The following VPREB3 variants were observed in gnomAD, a reference collection of about 807,000 sequenced individuals.
VPREB3 encodes the protein pre-B lymphocyte protein 3.
VPREB3 carries 14 observed loss-of-function variants against 12.9 expected under a neutral mutation model. The ratio of observed to expected loss-of-function variants is 1.09; its 90% CI spans 0.72 to 1.70. The LOEUF is 1.70. VPREB3 is among the 40% of genes most tolerant of loss of function. The pLI is 0.00. For missense variants in VPREB3, 165 were observed against 159.6 expected (o/e 1.03, Z -0.18); for synonymous variants, 78 against 70.1 (o/e 1.11, Z -0.56).
chr22:23,753,843 C>G lies in VPREB3; in HGVS notation c.49+472G>C, dbSNP rs554147584. On this transcript the variant is annotated intron_variant, in intron 1 of 1. Coordinates refer to ENST00000248948, the MANE Select transcript of VPREB3 (RefSeq NM_013378.3). ...GGCCCACACAGGGAAGTGATTTGCC[C>G]CAGGTCAAGGGCAGAGCTGTCTGAA... Among the ~76,000 whole-genome samples the G allele has an allele frequency of 7.2e-5, 11 of 152,284 alleles. No individual in the cohort carries two copies. In the East Asian group the frequency reaches 1.9e-3, roughly 27 times the overall value.
rs1037879761 is a variant in VPREB3, at chr22:23,754,355, G to C, written c.9C>G (p.Cys3Trp). Residue 3 changes from cysteine (C) to tryptophan (W), a missense_variant, in exon 1 of 2, where the codon TGC becomes TGG. By Grantham distance (215) the Cys-to-Trp change is radical. Coordinates refer to ENST00000248948, the MANE Select transcript of VPREB3 (RefSeq NM_013378.3). ...CCATCAGAAGGAAGCTGAGGCACCG[G>C]CAGGCCATGGCCAGAGGCAGGGAGG... MA[C>W]RCLSFLLMGT... 6.2e-7 allele frequency: 1 copy of C among 1,609,298 alleles called. No individual in the cohort carries two copies. Among genetic ancestry groups the C allele is most frequent in the African/African-American group, 1.3e-5 (1 of 74,836 alleles).
chr22:23,754,356 C>T lies in VPREB3; in HGVS notation c.8G>A (p.Cys3Tyr), dbSNP rs1176056066. 7.5e-6 allele frequency: 12 copies of T among 1,609,722 alleles called. No homozygotes were observed. The highest frequency in any genetic ancestry group is 1.1e-5 in the South Asian group (1 of 89,954). Residue 3 changes from cysteine (C) to tyrosine (Y), a missense_variant, in exon 1 of 2, where the codon TGC becomes TAC. Physicochemically the swap from Cys to Tyr is radical, Grantham distance 194. Coordinates refer to ENST00000248948, the MANE Select transcript of VPREB3 (RefSeq NM_013378.3). MA[C>Y]RCLSFLLMGT... is the part of the protein sequence containing the mutation. ...CATCAGAAGGAAGCTGAGGCACCGG[C>T]AGGCCATGGCCAGAGGCAGGGAGGC...
intron 1 of VPREB3, 38 bp downstream of exon 1, chr22:23,754,277 C>T (rs45587437): frequency 0.13 from 199,281 of 1,575,760 alleles, 13,628 homozygotes; most frequent in Middle Eastern, 0.15. Flanking sequence ...CTGTTCCCCA[C>T]CCCACACCCA....
Position 23,753,263 on chromosome 22 carries a change from G to A in VPREB3, c.50-65C>T, listed in dbSNP as rs1925420241. The stretch of plus-strand genomic sequence containing the variant: ...CCCACCCCTGCCCTGTGAAGGCTTG[G>A]TTGGACTCCATGGAGACTCCCAGTC... On this transcript the variant is annotated intron_variant, in intron 1 of 1. Transcript: ENST00000248948. The A allele has an allele frequency of 4.1e-6, 6 of 1,474,168 alleles. No individual in the cohort carries two copies. In the South Asian group the frequency reaches 8.0e-5, roughly 20 times the overall value. 91.3% of individuals were successfully genotyped at this position (1,474,168 alleles called of 1,614,324 possible).
At chr22:23,753,714 A>AG (rs937828279) in intron 1 of VPREB3, among the ~76,000 whole-genome samples, 25 of 152,304 alleles carry the variant, frequency 1.6e-4, no homozygotes, top group African/African-American at 5.8e-4. Flanking sequence ...CCTGTGGGGT[A>AG]GGGACCAACC....
chr22:23,752,991 C>T lies in VPREB3; in HGVS notation c.257G>A (p.Arg86Gln), dbSNP rs1185174304. The part of the protein sequence containing the change: ...DHHRPADIPD[R>Q]FSAAKDEAHN... ...GGCCTCATCCTTGGCTGCCGAGAAT[C>T]GATCGGGGATGTCAGCAGGCCGGTG... Residue 86 changes from arginine to glutamine, a missense_variant, in exon 2 of 2, where the codon CGA becomes CAA. Transcript: ENST00000248948. 8 of 1,614,016 alleles carry T rather than the reference C, an allele frequency of 5.0e-6. No individual in the cohort carries two copies. The highest frequency in any genetic ancestry group is 2.7e-5 in the African/African-American group (2 of 74,892).
chr22:23,753,863 T>C (rs889377392), intron 1 of VPREB3, among the ~76,000 whole-genome samples: 1 of 152,132 alleles, frequency 6.6e-6, no homozygotes, highest in African/African-American at 2.4e-5. Context: ...GGCAGAGCTG[T>C]CTGAAGCCAG....
In VPREB3 at chr22:23,752,921, G is replaced by A. The variant is rs746879056; in HGVS notation, c.327C>T (p.Asp109=). ...CAACAGAGCAGTAGTAATCCGCGTC[G>A]TCTTCAGGCTGCACGGGACTAATGG... The part of the protein sequence containing the change: ...VLTISPVQPE[D]DADYYCSVGY... Residue 109 remains aspartate, a synonymous_variant, in exon 2 of 2, where the codon GAC becomes GAT. Coordinates refer to ENST00000248948, the MANE Select transcript of VPREB3 (RefSeq NM_013378.3). The A allele has an allele frequency of 3.5e-5, 57 of 1,614,030 alleles. No homozygotes were observed. Among genetic ancestry groups the A allele is most frequent in the East Asian group, 1.1e-4 (5 of 44,882 alleles).
At chr22:23,753,230 C>A in intron 1 of VPREB3, 32 bp from the exon 2 acceptor site, 1 of 1,533,972 alleles carries the variant, frequency 6.5e-7, no homozygotes, top group South Asian at 1.2e-5. Context: ...AGCCTGAGCC[C>A]CTTCCCTCCC....
intron 1 of VPREB3, among the ~76,000 whole-genome samples, chr22:23,753,881 C>A (rs1925434585): frequency 6.6e-6 from 1 of 152,192 alleles, no homozygotes; most frequent in Non-Finnish European, 1.5e-5. Flanking sequence ...CAGGTCACCC[C>A]TCTACCTGAA....
rs577071666 is a variant in VPREB3 at position 23,753,249 on chromosome 22, C to T, written c.50-51G>A. On this transcript the variant is annotated intron_variant, in intron 1 of 1. Coordinates refer to ENST00000248948, the MANE Select transcript of VPREB3 (RefSeq NM_013378.3). ...TGAGCCCCTTCCCTCCCACCCCTGC[C>T]CTGTGAAGGCTTGGTTGGACTCCAT... 1.0e-4 allele frequency: 153 copies of T among 1,505,062 alleles called. 2 individuals carry two copies. In the East Asian group the frequency reaches 3.1e-3, roughly 31 times the overall value. The allele number at this position is 1,505,062 out of a possible 1,614,324, so 93.2% of individuals were successfully genotyped here.
chr22:23,753,749 CTAAG>C (rs1402591753), intron 1 of VPREB3, among the ~76,000 whole-genome samples: 1 of 152,186 alleles, frequency 6.6e-6, no homozygotes, highest in South Asian at 2.1e-4. Flanking sequence ...CTGTGAAAAA[CTAAG>C]AAGGAGACCC....
intron 1 of VPREB3, 36 bp from the exon 2 acceptor site, chr22:23,753,234 C>G: frequency 3.3e-6 from 5 of 1,514,674 alleles, no homozygotes; most frequent in Non-Finnish European, 4.4e-6. Context: ...TGAGCCCCTT[C>G]CCTCCCACCC....
Position 23,753,134 on chromosome 22 carries a change from G to A in VPREB3, c.114C>T (p.Leu38=), listed in dbSNP as rs752787867. The change falls in exon 2 of 2, where the codon CTC becomes CTT. Residue 38 remains leucine (L), a synonymous_variant. Coordinates refer to ENST00000248948, the MANE Select transcript of VPREB3 (RefSeq NM_013378.3). ...LLVFPGQVAQ[L]SCTLSPQHVT... Reference sequence around the variant, plus strand: ...CGTGCTGGGGGCTGAGCGTGCAGGAGAGTTGAGCCACTTGGCCTGGGAAGA... The same window carrying A: ...CGTGCTGGGGGCTGAGCGTGCAGGAAAGTTGAGCCACTTGGCCTGGGAAGA... 1 of 1,613,206 alleles carries A rather than the reference G, an allele frequency of 6.2e-7. No homozygotes were observed. Among genetic ancestry groups the A allele is most frequent in the East Asian group, 2.2e-5 (1 of 44,850 alleles).
Position 23,752,906 on chromosome 22 carries a change from G to A in VPREB3, c.342C>T (p.Tyr114=). The A allele has an allele frequency of 6.2e-7, 1 of 1,614,116 alleles. No individual in the cohort carries two copies. Residue 114 remains tyrosine, a synonymous_variant, in exon 2 of 2, where the codon TAC becomes TAT. Transcript: ENST00000248948. The stretch of plus-strand genomic sequence containing the variant: ...GACTAAAGCCGTAGCCAACAGAGCA[G>A]TAGTAATCCGCGTCGTCTTCAGGCT... ...PVQPEDDADY[Y]CSVGYGFSP is the part of the protein sequence containing the mutation.
At position 23,753,112 on chromosome 22, in the gene VPREB3, G is replaced by A. The variant is rs1249499192; in HGVS notation, c.136C>T (p.His46Tyr). The change falls in exon 2 of 2, where the codon CAC becomes TAC. Residue 46 changes from histidine (H) to tyrosine (Y), a missense_variant. Physicochemically the swap from His to Tyr is moderately conservative, Grantham distance 83. Coordinates refer to ENST00000248948, the MANE Select transcript of VPREB3 (RefSeq NM_013378.3). The stretch of plus-strand genomic sequence containing the variant: ...ACACCGTAGTCCCTGATGGTGACGT[G>A]CTGGGGGCTGAGCGTGCAGGAGAGT... Reference protein sequence around the residue: ...AQLSCTLSPQHVTIRDYGVSW... With the variant: ...AQLSCTLSPQYVTIRDYGVSW... The A allele has an allele frequency of 8.1e-6, 13 of 1,613,898 alleles. No homozygotes were observed. The highest frequency in any genetic ancestry group is 1.1e-5 in the Non-Finnish European group (13 of 1,179,970).
intron 1 of VPREB3, among the ~76,000 whole-genome samples, chr22:23,753,548 CT>C (rs1166366955): frequency 3.3e-5 from 5 of 152,250 alleles, no homozygotes; most frequent in East Asian, 1.9e-4. Context: ...AACTGCACCC[CT>C]CTCCCCCACT....
At chr22:23,753,902 A>G (rs1157391132) in intron 1 of VPREB3, among the ~76,000 whole-genome samples, 1 of 152,148 alleles carries the variant, frequency 6.6e-6, no homozygotes, top group Non-Finnish European at 1.5e-5. Flanking sequence ...TACGCCTCCC[A>G]GCCAGGTGCA....
chr22:23,753,274 T>C, intron 1 of VPREB3, 76 bp from the exon 2 acceptor site: 2 of 1,414,026 alleles, frequency 1.4e-6, no homozygotes, highest in Non-Finnish European at 1.9e-6. Context: ...TTGGACTCCA[T>C]GGAGACTCCC....
Sources: allele counts gnomAD v4.1 joint callset (sites outside exome capture counted in the v4.1 genomes callset), GRCh38; gene constraint gnomAD v4.1.1; transcripts MANE v1.5; gene names NCBI Gene and HGNC (gene_info 2026-07-23, HGNC 2026-07-21).